The following GSE1 variants were observed in gnomAD, a reference collection of about 807,000 sequenced individuals.
The protein encoded by GSE1 is Gse1 coiled-coil protein.
GSE1 carries 32 observed loss-of-function variants against 112.6 expected under a neutral mutation model. The ratio of observed to expected loss-of-function variants is 0.28; its 90% CI spans 0.21 to 0.38. The LOEUF is 0.38. GSE1 is among the 10% of genes least tolerant of loss of function. GSE1 has a pLI of 1.00. For synonymous variants in GSE1, 1,115 were observed against 735.6 expected (o/e 1.52, Z -8.35); for missense variants, 2,348 against 1,699.2 (o/e 1.38, Z -6.71).
intron 2 of GSE1, among the ~76,000 whole-genome samples, chr16:85,529,027 T>C (rs1002247240): frequency 6.6e-6 from 1 of 152,202 alleles, no homozygotes. Flanking sequence ...CACCCTCATC[T>C]TGGTGGACCG....
intron 1 of GSE1, among the ~76,000 whole-genome samples, chr16:85,562,854 C>A (rs1373577864): frequency 1.3e-5 from 2 of 152,250 alleles, no homozygotes; most frequent in Non-Finnish European, 2.9e-5. Flanking sequence ...ACTTCAAATT[C>A]TCTTCCTTAG....
chr16:85,170,808 C>T (rs1597707242), exon 1 of GSE1: 2 of 985,578 alleles, frequency 2.0e-6, no homozygotes, highest in Non-Finnish European at 2.4e-6. Context: ...GCTTCTCCTC[C>T]CTCACGCAGC....
chr16:85,278,858 A>C (rs985051809), intron 1 of GSE1: 2 of 203,224 alleles, frequency 9.8e-6, no homozygotes, highest in East Asian at 2.4e-4. Context: ...CATCTCCTCA[A>C]AATCCTTCAC....
chr16:85,330,466 A>C (rs996467588), intron 1 of GSE1, among the ~76,000 whole-genome samples: 2 of 152,162 alleles, frequency 1.3e-5, no homozygotes, highest in Non-Finnish European at 2.9e-5. Context: ...ACCTCCCAAG[A>C]GGGTGGATAT....
intron 2 of GSE1, among the ~76,000 whole-genome samples, chr16:85,380,556 C>T (rs1381181074): frequency 7.2e-6 from 1 of 138,632 alleles, no homozygotes; most frequent in African/African-American, 3.5e-5. Flanking sequence ...CCAACACTGC[C>T]CGCCGGGGGA....
At chr16:85,415,851 A>C (rs1015868773) in intron 2 of GSE1, among the ~76,000 whole-genome samples, 1 of 152,200 alleles carries the variant, frequency 6.6e-6, no homozygotes, top group Non-Finnish European at 1.5e-5. Flanking sequence ...ATGGCTTTGC[A>C]AGGAGACAGT....
intron 2 of GSE1, among the ~76,000 whole-genome samples, chr16:85,636,296 T>C (rs1233428405): frequency 2.6e-5 from 4 of 152,176 alleles, no homozygotes; most frequent in African/African-American, 7.2e-5. Context: ...TCACCCCCTA[T>C]TGAGCTGGGA....
intron 1 of GSE1, among the ~76,000 whole-genome samples, chr16:85,334,695 G>T (rs987592236): frequency 6.6e-6 from 1 of 152,188 alleles, no homozygotes; most frequent in African/African-American, 2.4e-5. Flanking sequence ...AAATGTGGGG[G>T]CTCAAGACCC....
chr16:85,523,385 A>G (rs2052256491), intron 2 of GSE1, among the ~76,000 whole-genome samples: 1 of 152,188 alleles, frequency 6.6e-6, no homozygotes, highest in Admixed American at 6.5e-5. Context: ...ACTTTCGTTA[A>G]ACCCCATCTC....
intron 1 of GSE1, among the ~76,000 whole-genome samples, chr16:85,200,662 C>A (rs1483472381): frequency 6.6e-6 from 1 of 152,166 alleles, no homozygotes; most frequent in Non-Finnish European, 1.5e-5. Context: ...CTCTTTCGCC[C>A]CACATTTAAT....
intron 1 of GSE1, among the ~76,000 whole-genome samples, chr16:85,630,556 G>A (rs959807757): frequency 2.6e-5 from 4 of 152,198 alleles, no homozygotes; most frequent in African/African-American, 4.8e-5. Flanking sequence ...GCCTCACGCA[G>A]TCCTCCCACC....
chr16:85,250,088 G>A (rs766839458), intron 1 of GSE1, among the ~76,000 whole-genome samples: 11 of 152,230 alleles, frequency 7.2e-5, no homozygotes, highest in Non-Finnish European at 1.3e-4. Flanking sequence ...GTTGGTCTGC[G>A]GCGGCCTCGG....
chr16:85,648,173 C>A (rs1267341516), intron 2 of GSE1, among the ~76,000 whole-genome samples: 2 of 152,246 alleles, frequency 1.3e-5, no homozygotes, highest in South Asian at 4.2e-4. Flanking sequence ...GGCTCCATGT[C>A]TGTCCCGGAA....
chr16:85,380,514 C>CT (rs60407431), intron 2 of GSE1, among the ~76,000 whole-genome samples: 9 of 151,846 alleles, frequency 5.9e-5, no homozygotes, highest in African/African-American at 1.7e-4. Context: ...AGGACACCCC[C>CT]CCTCCACCCG....
rs774071829 is a variant in GSE1 at position 85,480,938 on chromosome 16, C to T, written c.2464+123295C>T. The stretch of plus-strand genomic sequence containing the variant: ...CACCGGCGGTGCCCCCAGGGAGCAG[C>T]GCGTGCAGAACCGCAGGTCTTCCAC... On this transcript the variant is annotated intron_variant, in intron 2 of 2. Coordinates refer to the GSE1 transcript ENST00000637419. Among the ~76,000 whole-genome samples, 7 of 152,366 alleles carry T rather than the reference C, an allele frequency of 4.6e-5. No homozygotes were observed. The South Asian group carries it at 6.2e-4, about 14-fold the overall frequency.
intron 1 of GSE1, among the ~76,000 whole-genome samples, chr16:85,562,375 T>C (rs889637842): frequency 6.6e-6 from 1 of 152,008 alleles, no homozygotes; most frequent in Non-Finnish European, 1.5e-5. Flanking sequence ...CTGCCCAATT[T>C]GGTTCTCATT....
intron 1 of GSE1, among the ~76,000 whole-genome samples, chr16:85,572,680 C>T (rs568064139): frequency 5.9e-5 from 9 of 152,206 alleles, no homozygotes; most frequent in Admixed American, 4.6e-4. Context: ...CTCCGGAACC[C>T]AGTTCTCCTC....
chr16:85,648,261 G>C (rs534553338), intron 2 of GSE1, among the ~76,000 whole-genome samples: 423 of 152,280 alleles, frequency 2.8e-3, no homozygotes, highest in Non-Finnish European at 4.7e-3. Flanking sequence ...CTGTCTGGTG[G>C]CGGTGGGCGG....
chr16:85,489,690 G>C (rs761762449), intron 2 of GSE1: 1 of 152,078 alleles, frequency 6.6e-6, no homozygotes, highest in African/African-American at 2.4e-5. Flanking sequence ...CTCAGACCCC[G>C]TCTGAACTGG....
Sources: allele counts gnomAD v4.1 joint callset (sites outside exome capture counted in the v4.1 genomes callset), GRCh38; gene constraint gnomAD v4.1.1; transcripts MANE v1.5; gene names NCBI Gene and HGNC (gene_info 2026-07-23, HGNC 2026-07-21).